The following USH2A variants were observed in gnomAD, a reference collection of about 807,000 sequenced individuals.
USH2A encodes the protein Usher syndrome 2A (autosomal recessive, mild).
Under a neutral mutation model 538.9 loss-of-function variants are expected in USH2A, and 443 were observed. The observed-to-expected ratio is 0.82, with a 90% CI of 0.76 to 0.89. The LOEUF is 0.89. Among genes scored for constraint, USH2A ranks in the 40% least tolerant of loss-of-function variants. USH2A has a pLI of 0.00. For synonymous variants in USH2A, 2,413 were observed against 2,273.5 expected (o/e 1.06, Z -1.75); for missense variants, 6,633 against 6,324.8 (o/e 1.05, Z -1.65).
At chr1:216,045,262 A>G (rs1182199675) in intron 32 of USH2A, among the ~76,000 whole-genome samples, 1 of 152,150 alleles carries the variant, frequency 6.6e-6, no homozygotes, top group African/African-American at 2.4e-5. Context: ...AGTATATAAA[A>G]TAATATGAAA....
rs550623641 is a variant in USH2A at position 215,997,614 on chromosome 1, C to T, written c.6657+1273G>A. Among the ~76,000 whole-genome samples the T allele has an allele frequency of 6.6e-5, 10 of 152,030 alleles. No homozygotes were observed. In the East Asian group the frequency reaches 1.7e-3, roughly 26 times the overall value. ...GAGATTGATATGAATTGATTGACTG[C>T]ACAGCACATCCTAAAAACGGCCCTA... On this transcript the variant is annotated intron_variant, in intron 34 of 71. Transcript: ENST00000307340.
At chr1:215,934,829 ATATT>A in intron 37 of USH2A, 34 bp from the exon 38 acceptor site, 1 of 1,537,118 alleles carries the variant, frequency 6.5e-7, no homozygotes, top group Non-Finnish European at 8.9e-7. Context: ...AAATAAATAC[ATATT>A]TAAGAATTCA....
intron 51 of USH2A, among the ~76,000 whole-genome samples, chr1:215,789,633 G>A (rs566948750): frequency 1.3e-4 from 20 of 152,224 alleles, no homozygotes; most frequent in Admixed American, 3.3e-4. Flanking sequence ...GCAACTAAGC[G>A]AATTTGCTGG....
intron 3 of USH2A, among the ~76,000 whole-genome samples, chr1:216,374,315 T>C (rs1175688797): frequency 1.3e-5 from 2 of 152,100 alleles, no homozygotes; most frequent in Non-Finnish European, 2.9e-5. Flanking sequence ...CTTCAATCTT[T>C]CCTTGGCTTT....
chr1:215,830,682 C>T (rs1663287441), intron 47 of USH2A, among the ~76,000 whole-genome samples: 1 of 152,178 alleles, frequency 6.6e-6, no homozygotes, highest in Admixed American at 6.6e-5. Context: ...CAACTCCAAG[C>T]TGCACATTTA....
rs2039616609 is a variant in USH2A at position 216,418,594 on chromosome 1, C to A, written c.571G>T (p.Val191Leu). 1 of 1,613,252 alleles carries A rather than the reference C, an allele frequency of 6.2e-7. No homozygotes were observed. Among genetic ancestry groups the A allele is most frequent in the Non-Finnish European group, 8.5e-7 (1 of 1,179,586 alleles). Residue 191 changes from valine (V) to leucine (L), a missense_variant, in exon 3 of 72, where the codon GTA becomes TTA. Val to Leu is a conservative substitution (Grantham distance 32). Transcript: ENST00000307340. ...TTTATTGGAGGTTGCAAACCATTTA[C>A]TGTGCGATAATAAAACATGGTCTCT... The part of the protein sequence containing the change: ...EKETMFYYRT[V>L]NGLQPPIKVM...
In USH2A at chr1:216,196,509, C is replaced by T. The variant is rs567633044; in HGVS notation, c.4251+44G>A. On this transcript the variant is annotated intron_variant, in intron 19 of 71. Transcript: ENST00000307340. ...AAACTCAAAAAATGTCCAAATGAAG[C>T]CCTAAGCCAATTCTGAAAGGACATT... 6 of 1,609,704 alleles carry T rather than the reference C, an allele frequency of 3.7e-6. No individual in the cohort carries two copies. In the African/African-American group the frequency reaches 6.7e-5, roughly 18 times the overall value.
chr1:215,636,006 A>G (rs889350297), intron 69 of USH2A, among the ~76,000 whole-genome samples: 27 of 152,274 alleles, frequency 1.8e-4, no homozygotes, highest in Middle Eastern at 3.4e-3. Flanking sequence ...ATCTGCTCCC[A>G]TCCAGCCACT....
chr1:215,896,829 G>T (rs549691765), intron 40 of USH2A, among the ~76,000 whole-genome samples: 17 of 152,250 alleles, frequency 1.1e-4, no homozygotes, highest in African/African-American at 3.6e-4. Context: ...TGCTTGGACT[G>T]CCAGCAGCAC....
At chr1:215,959,348 A>T (rs1181737628) in intron 37 of USH2A, among the ~76,000 whole-genome samples, 1 of 152,106 alleles carries the variant, frequency 6.6e-6, no homozygotes, top group Non-Finnish European at 1.5e-5. Flanking sequence ...GCATCTGATT[A>T]TGCTCATTTC....
chr1:215,880,691 GAAA>G (rs1052652759), intron 41 of USH2A, among the ~76,000 whole-genome samples: 2 of 151,916 alleles, frequency 1.3e-5, no homozygotes. Flanking sequence ...TAACAGAAAT[GAAA>G]AAAAGAAGAG....
At chr1:215,892,555 G>A (rs1248959393) in intron 40 of USH2A, among the ~76,000 whole-genome samples, 1 of 152,052 alleles carries the variant, frequency 6.6e-6, no homozygotes, top group African/African-American at 2.4e-5. Context: ...CTTTAATCAT[G>A]AATTCTTTTA....
chr1:216,413,328 A>G (rs2039523589), intron 3 of USH2A, among the ~76,000 whole-genome samples: 1 of 152,060 alleles, frequency 6.6e-6, no homozygotes, highest in African/African-American at 2.4e-5. Context: ...CATAAAGCTT[A>G]CTGAACTGAA....
At chr1:215,868,991 A>G (rs577130474) in intron 43 of USH2A, among the ~76,000 whole-genome samples, 1 of 152,360 alleles carries the variant, frequency 6.6e-6, no homozygotes, top group African/African-American at 2.4e-5. Context: ...TTGTTACTGC[A>G]GCCCTGGAAA....
chr1:216,304,845 C>T (rs1206822465), intron 9 of USH2A, among the ~76,000 whole-genome samples: 1 of 149,812 alleles, frequency 6.7e-6, no homozygotes, highest in East Asian at 2.0e-4. Context: ...CTTTTTGAGT[C>T]GATTTCCAAT....
At chr1:216,328,649 G>T (rs1350149718) in intron 4 of USH2A, among the ~76,000 whole-genome samples, 1 of 151,896 alleles carries the variant, frequency 6.6e-6, no homozygotes, top group Non-Finnish European at 1.5e-5. Context: ...GCTCCTTGGT[G>T]GTTGCTTGGA....
chr1:216,407,208 A>G (rs1171782972), intron 3 of USH2A, among the ~76,000 whole-genome samples: 1 of 152,158 alleles, frequency 6.6e-6, no homozygotes, highest in East Asian at 1.9e-4. Context: ...TTGTCCTTCT[A>G]GAACACACTG....
chr1:216,181,683 C>G (rs140730843), intron 20 of USH2A, among the ~76,000 whole-genome samples: 5 of 152,186 alleles, frequency 3.3e-5, no homozygotes, highest in African/African-American at 7.2e-5. Flanking sequence ...AAGTCCACCA[C>G]TAATAAAAGG....
At chr1:216,120,443 G>T (rs1000426566) in intron 21 of USH2A, among the ~76,000 whole-genome samples, 1 of 151,634 alleles carries the variant, frequency 6.6e-6, no homozygotes, top group African/African-American at 2.4e-5. Context: ...GCAATGGCGC[G>T]ATCTCAGCTC....
Sources: gnomAD v4.1 joint callset for allele counts (sites outside exome capture counted in the v4.1 genomes callset) on GRCh38, gnomAD v4.1.1 for gene constraint, MANE v1.5 for transcripts, NCBI Gene and HGNC (gene_info 2026-07-23, HGNC 2026-07-21) for gene names.